The following NTNG2 variants were observed in gnomAD, a reference collection of about 807,000 sequenced individuals.
NTNG2 encodes the protein netrin-G2.
A neutral mutation model predicts 47.6 loss-of-function variants in NTNG2; 15 were observed. That is an observed-to-expected ratio of 0.32 (90% confidence interval 0.21 to 0.49). The LOEUF is 0.49. NTNG2 is among the 20% of genes least tolerant of loss of function. The pLI is 0.99. For missense variants in NTNG2, 578 were observed against 764.6 expected (o/e 0.76, Z 2.88); for synonymous variants, 307 against 324.6 (o/e 0.95, Z 0.58).
At chr9:132,204,201 C>A (rs937491955) in intron 3 of NTNG2, among the ~76,000 whole-genome samples, 1 of 152,178 alleles carries the variant, frequency 6.6e-6, no homozygotes, top group Admixed American at 6.5e-5. Context: ...CCTGGACGGG[C>A]AGATCTGAGC....
chr9:132,207,967 G>T (rs1449274658), intron 3 of NTNG2, among the ~76,000 whole-genome samples: 1 of 152,168 alleles, frequency 6.6e-6, no homozygotes, highest in African/African-American at 2.4e-5. Context: ...AGCCAGGCAT[G>T]GTGGTGTGCG....
rs969110819 is a variant in NTNG2 at position 132,221,036 on chromosome 9, G to A, written c.858-5813G>A. On this transcript the variant is annotated intron_variant, in intron 3 of 7. Coordinates refer to ENST00000393229, the MANE Select transcript of NTNG2 (RefSeq NM_032536.4). This position sits in a 1 kb window ranked among gnomAD's most constrained non-coding sequence, Gnocchi z 4.2. ...TGTAGAGCTGTTTTACAGTCCATGC[G>A]CCCATCTCCCCCAGTCATCTCGTAC... Among the ~76,000 whole-genome samples, 10 of 152,048 alleles carry A rather than the reference G, an allele frequency of 6.6e-5. 1 individual carries two copies. The highest frequency in any genetic ancestry group is 1.5e-4 in the African/African-American group (6 of 41,370).
chr9:132,213,304 G>A lies in NTNG2; in HGVS notation c.858-13545G>A, dbSNP rs186308207. 5.6e-4 allele frequency among the ~76,000 whole-genome samples: 82 copies of A among 145,482 alleles called. 3 individuals are homozygous for A. Among genetic ancestry groups the A allele is most frequent in the Admixed American group, 5.5e-3 (78 of 14,270 alleles). On this transcript the variant is annotated intron_variant, in intron 3 of 7. Coordinates refer to ENST00000393229, the MANE Select transcript of NTNG2 (RefSeq NM_032536.4). ...GCCACTGCACTCCAGCCTCCAGCCTGGGCGATGACAGAGTAAGACTCCATC... is the reference window on the plus strand; with the variant it reads ...GCCACTGCACTCCAGCCTCCAGCCTAGGCGATGACAGAGTAAGACTCCATC...
intron 3 of NTNG2, among the ~76,000 whole-genome samples, chr9:132,205,117 C>A (rs55707388): frequency 0.073 from 11,050 of 152,058 alleles, 1,252 homozygotes; most frequent in African/African-American, 0.24. Context: ...TAGGTATAGA[C>A]CCAACAGAAC....
In NTNG2 at chr9:132,178,786, C is replaced by CAA. The variant is rs57942639; in HGVS notation, c.213+11761_213+11762dup. Among the ~76,000 whole-genome samples the CAA allele has an allele frequency of 2.0e-3, 191 of 93,554 alleles. 1 individual carries two copies. The highest frequency in any genetic ancestry group is 5.9e-3 in the African/African-American group (175 of 29,532). The allele number at this position is 93,554 out of a possible 152,430, so 61.4% of individuals were successfully genotyped here. The stretch of plus-strand genomic sequence containing the variant: ...TGAAACCCCATCTCTACTAAAAATA[C>CAA]AAAAAAAAAAAAAAAAAAAATTAGC... On this transcript the variant is annotated intron_variant, in intron 2 of 7. Coordinates refer to ENST00000393229, the MANE Select transcript of NTNG2 (RefSeq NM_032536.4).
intron 5 of NTNG2, among the ~76,000 whole-genome samples, chr9:132,234,772 A>G (rs1197210002): frequency 1.3e-5 from 2 of 152,206 alleles, no homozygotes; most frequent in Non-Finnish European, 2.9e-5. Flanking sequence ...AGCCCTTGCC[A>G]ATTTGGGCCT....
rs1836737227 is a variant in NTNG2 at position 132,179,211 on chromosome 9, A to G, written c.213+12167A>G. On this transcript the variant is annotated intron_variant, in intron 2 of 7. Coordinates refer to ENST00000393229, the MANE Select transcript of NTNG2 (RefSeq NM_032536.4). Reference sequence around the variant, plus strand: ...CCTGGATCTGACTTCACGTGATGGCATCTGGTGGGGGACACAGGATGCCTG... The same window carrying G: ...CCTGGATCTGACTTCACGTGATGGCGTCTGGTGGGGGACACAGGATGCCTG... 1.3e-5 allele frequency among the ~76,000 whole-genome samples: 2 copies of G among 152,218 alleles called. 1 individual carries two copies. The highest frequency in any genetic ancestry group is 2.9e-5 in the Non-Finnish European group (2 of 68,032).
intron 2 of NTNG2, among the ~76,000 whole-genome samples, chr9:132,195,293 C>G (rs189848447): frequency 4.6e-5 from 7 of 151,118 alleles, no homozygotes; most frequent in Admixed American, 1.3e-4. Flanking sequence ...GGGGATTTCT[C>G]TTTTTTTTGT....
At chr9:132,204,740 C>T (rs1839038593) in intron 3 of NTNG2, among the ~76,000 whole-genome samples, 1 of 152,126 alleles carries the variant, frequency 6.6e-6, no homozygotes, top group South Asian at 2.1e-4. Context: ...GGATCATTGT[C>T]CCCATGACAC....
rs557060076 is a variant in NTNG2 at position 132,208,780 on chromosome 9, G to A, written c.857+10171G>A. On this transcript the variant is annotated intron_variant, in intron 3 of 7. Transcript: ENST00000393229. This position sits in a 1 kb window ranked among gnomAD's most constrained non-coding sequence, Gnocchi z 4.0. ...TTCATACAGCAAAGTGGACCTTTTG[G>A]GGGTACAATTCTAGGAATTTTAGCA... 1.7e-4 allele frequency among the ~76,000 whole-genome samples: 26 copies of A among 151,888 alleles called. No homozygotes were observed. Among genetic ancestry groups the A allele is most frequent in the Non-Finnish European group, 2.9e-4 (20 of 67,976 alleles).
At position 132,234,676 on chromosome 9, in the gene NTNG2, C is replaced by A. The variant is rs867603432; in HGVS notation, c.1054+4081C>A. Among the ~76,000 whole-genome samples the A allele has an allele frequency of 4.6e-5, 7 of 152,378 alleles. 1 individual carries two copies. In the South Asian group the frequency reaches 8.3e-4, roughly 18 times the overall value. Reference sequence around the variant, plus strand: ...GAAAACGCCGCTGGAGACACTAATCCTTTCCTGGGCTGGGCCACGGAGGAT... The same window carrying A: ...GAAAACGCCGCTGGAGACACTAATCATTTCCTGGGCTGGGCCACGGAGGAT... On this transcript the variant is annotated intron_variant, in intron 5 of 7. Transcript: ENST00000393229.
intron 2 of NTNG2, among the ~76,000 whole-genome samples, chr9:132,168,768 T>C (rs1217697892): frequency 6.6e-6 from 1 of 152,160 alleles, no homozygotes; most frequent in Admixed American, 6.5e-5. Context: ...TCAACCTCTG[T>C]CTCTCGTATT....
chr9:132,199,132 C>T (rs1411505321), intron 3 of NTNG2, among the ~76,000 whole-genome samples: 1 of 152,068 alleles, frequency 6.6e-6, no homozygotes, highest in African/African-American at 2.4e-5. Context: ...GTGCACATGT[C>T]GGAGGAAGGA....
In NTNG2 at chr9:132,162,062, T is replaced by TGAC. The variant is rs905273733; in HGVS notation, c.-659_-657dup. The TGAC allele has an allele frequency of 2.7e-5, 4 of 148,570 alleles. No individual in the cohort carries two copies. The highest frequency in any genetic ancestry group is 3.3e-3 in the Middle Eastern group (1 of 300). 9.2% of individuals were successfully genotyped at this position (148,570 alleles called of 1,614,324 possible). Reference sequence around the variant, plus strand: ...GCCGGAGGGCTCCCTGGCCCCGATCTGACGGCGGCGGCGGCGGCGGCCACA... The same window carrying TGAC: ...GCCGGAGGGCTCCCTGGCCCCGATCTGACGACGGCGGCGGCGGCGGCGGCCACA... On this transcript the variant is annotated 5_prime_UTR_variant, in exon 1 of 8. Transcript: ENST00000393229. The surrounding 1 kb of genome is among the most constrained non-coding windows in gnomAD (Gnocchi z 4.6).
Position 132,243,197 on chromosome 9 carries a change from T to G in NTNG2, c.*1086T>G, listed in dbSNP as rs2274852. 0.43 allele frequency: 66,117 copies of G among 152,102 alleles called. 15,693 individuals are homozygous for G. The highest frequency in any genetic ancestry group is 0.62 in the African/African-American group (25,901 of 41,448). The allele number at this position is 152,102 out of a possible 1,614,324, so 9.4% of individuals were successfully genotyped here. On this transcript the variant is annotated 3_prime_UTR_variant, in exon 8 of 8. Transcript: ENST00000393229. ...CCAATGCTCTGATTTATACTGTGTC[T>G]CGGTGGCCACCTCCGATGGATGTGT...
chr9:132,212,495 G>A (rs551165784), intron 3 of NTNG2, among the ~76,000 whole-genome samples: 9 of 152,240 alleles, frequency 5.9e-5, no homozygotes, highest in East Asian at 3.9e-4. Flanking sequence ...TCAATTGCCG[G>A]CCTGATTGCG....
At position 132,239,101 on chromosome 9, in the gene NTNG2, C is replaced by T. The variant is rs777649820; in HGVS notation, c.1055-3C>T. On this transcript the variant is annotated splice_polypyrimidine_tract_variant and splice_region_variant and intron_variant, in intron 5 of 7. Transcript: ENST00000393229. ...TGGTATTTCTCCCACTTGGCCGGCC[C>T]AGACTGCGAATGCTACGGTCACTCC... The T allele has an allele frequency of 1.2e-6, 2 of 1,610,894 alleles. No individual in the cohort carries two copies. The highest frequency in any genetic ancestry group is 2.2e-5 in the East Asian group (1 of 44,790).
rs1466454111 is a variant in NTNG2, at chr9:132,236,438, C to G, written c.1055-2666C>G. Among the ~76,000 whole-genome samples, 1 of 152,340 alleles carries G rather than the reference C, an allele frequency of 6.6e-6. No homozygotes were observed. ...GAAGGGAAATTGTCCCTGGCCCCAG[C>G]TCACCAAGCCTGGGTGGGGAATTAG... On this transcript the variant is annotated intron_variant, in intron 5 of 7. Transcript: ENST00000393229. The surrounding 1 kb of genome is among the most constrained non-coding windows in gnomAD (Gnocchi z 4.3).
At chr9:132,186,685 G>A (rs1335156808) in intron 2 of NTNG2, among the ~76,000 whole-genome samples, 6 of 152,382 alleles carry the variant, frequency 3.9e-5, no homozygotes, top group East Asian at 1.9e-4. Context: ...GGGGCAACCC[G>A]AATTGGTGTA....
Sources: allele counts gnomAD v4.1 joint callset (sites outside exome capture counted in the v4.1 genomes callset), GRCh38; gene constraint gnomAD v4.1.1; non-coding constraint Gnocchi (gnomAD v3.1); transcripts MANE v1.5; gene names NCBI Gene and HGNC (gene_info 2026-07-23, HGNC 2026-07-21).